SATB2: variants seen among roughly 807,000 people sequenced by gnomAD.
SATB2 encodes SATB homeobox 2, also known as DNA-binding protein SATB2.
SATB2 carries 1 observed loss-of-function variant against 73.4 expected under a neutral mutation model. The observed-to-expected ratio is 0.01, with a 90% CI of 0.00 to 0.06. The LOEUF is 0.06. Among genes scored for constraint, SATB2 ranks in the 10% least tolerant of loss-of-function variants. The pLI, the probability that SATB2 is intolerant of heterozygous loss-of-function variation, is 1.00. For synonymous variants in SATB2, 397 were observed against 367.0 expected (o/e 1.08, Z -0.93); for missense variants, 459 against 945.8 (o/e 0.49, Z 6.75).
At chr2:199,456,188 G>T in intron 1 of SATB2, 92 bp from the exon 2 acceptor site, 3 of 781,260 alleles carry the variant, frequency 3.8e-6, no homozygotes, top group Non-Finnish European at 6.3e-6. Context: ...GTGGCAGAGC[G>T]CTGCACCACA....
chr2:199,311,550 G>A (rs923168236), intron 9 of SATB2, among the ~76,000 whole-genome samples: 4 of 152,130 alleles, frequency 2.6e-5, no homozygotes, highest in African/African-American at 9.7e-5. Flanking sequence ...AAAATCGGAA[G>A]GTGATCCTAA....
intron 5 of SATB2, among the ~76,000 whole-genome samples, chr2:199,377,528 T>C (rs1481555040): frequency 2.6e-5 from 4 of 152,216 alleles, no homozygotes; most frequent in Non-Finnish European, 1.5e-5. Flanking sequence ...TCAAGAGATA[T>C]TTTGAGCAAT....
At chr2:199,414,509 T>C (rs1399679987) in intron 3 of SATB2, among the ~76,000 whole-genome samples, 1 of 152,152 alleles carries the variant, frequency 6.6e-6, no homozygotes, top group African/African-American at 2.4e-5. Flanking sequence ...CCTCTCCTAA[T>C]GCATCTCTGA....
intron 2 of SATB2, among the ~76,000 whole-genome samples, chr2:199,453,475 A>C (rs1692188162): frequency 6.6e-6 from 1 of 152,104 alleles, no homozygotes; most frequent in Admixed American, 6.5e-5. Flanking sequence ...AATTTAAACA[A>C]AAGAACATAG....
At chr2:199,367,154 A>G (rs1400684463) in intron 6 of SATB2, among the ~76,000 whole-genome samples, 2 of 152,196 alleles carry the variant, frequency 1.3e-5, no homozygotes, top group Non-Finnish European at 1.5e-5. Flanking sequence ...TTTTAAAAGA[A>G]AAACCTGGAG....
chr2:199,456,813 A>G (rs1041944757), intron 1 of SATB2, among the ~76,000 whole-genome samples: 1 of 152,194 alleles, frequency 6.6e-6, no homozygotes, highest in African/African-American at 2.4e-5. Context: ...AAGCTCTTCA[A>G]TATAAAACAC....
intron 7 of SATB2, among the ~76,000 whole-genome samples, chr2:199,335,162 A>G (rs1207993422): frequency 1.3e-5 from 2 of 152,164 alleles, no homozygotes; most frequent in East Asian, 1.9e-4. Context: ...TAAATCCTCA[A>G]AGAAAATGTC....
rs1692551892 is a variant in SATB2 at position 199,464,439 on chromosome 2, A to G, written c.-141+397T>C. On this transcript the variant is annotated intron_variant, in intron 1 of 11. Transcript: ENST00000260926. This position sits in a 1 kb window ranked among gnomAD's most constrained non-coding sequence, Gnocchi z 6.6. ...CATTTCCACGCGCGCGCGCGCACAC[A>G]CACACACACACACACAGAGGGACTT... is the stretch of plus-strand genomic sequence containing the variant. 6.6e-6 allele frequency among the ~76,000 whole-genome samples: 1 copy of G among 151,484 alleles called. No homozygotes were observed. Among genetic ancestry groups the G allele is most frequent in the Admixed American group, 6.6e-5 (1 of 15,248 alleles).
In SATB2 at chr2:199,455,315, G is replaced by A. The variant is rs535503374; in HGVS notation, c.169+554C>T. 3.9e-5 allele frequency among the ~76,000 whole-genome samples: 6 copies of A among 152,232 alleles called. No individual in the cohort carries two copies. The highest frequency in any genetic ancestry group is 1.4e-4 in the African/African-American group (6 of 41,502). ...ATATGACTAAACTTTATAGACAACA[G>A]CAGCATTTAAGCTTCTAAGGGCCTG... On this transcript the variant is annotated intron_variant, in intron 2 of 10. Coordinates refer to ENST00000417098, the MANE Select transcript of SATB2 (RefSeq NM_001172509.2). This position sits in a 1 kb window ranked among gnomAD's most constrained non-coding sequence, Gnocchi z 4.1.
chr2:199,298,373 T>C (rs1011484441), intron 10 of SATB2, among the ~76,000 whole-genome samples: 3 of 152,218 alleles, frequency 2.0e-5, no homozygotes, highest in Admixed American at 2.0e-4. Flanking sequence ...CACCTCGCCA[T>C]GCTTCCAGCA....
chr2:199,391,442 AAAAAAAAAAACAAAAAAC>A (rs1380798479), intron 3 of SATB2, among the ~76,000 whole-genome samples: 3 of 151,190 alleles, frequency 2.0e-5, no homozygotes, highest in Admixed American at 1.3e-4. Flanking sequence ...CAAAAAAAAA[AAAAAAAAAAACAAAAAAC>A]AAAAAACGAG....
Position 199,306,371 on chromosome 2 carries a change from C to T in SATB2, c.1740+2389G>A, listed in dbSNP as rs74359302. On this transcript the variant is annotated intron_variant, in intron 10 of 10. Transcript: ENST00000417098. ...TAGGCATAACGTTAAAGAAATGTGA[C>T]GTGCTGATGAGTTTCACAGTAGTTA... Among the ~76,000 whole-genome samples, 1,160 of 152,230 alleles carry T rather than the reference C, an allele frequency of 7.6e-3. 13 individuals carry two copies. Among genetic ancestry groups the T allele is most frequent in the African/African-American group, 0.026 (1,089 of 41,548 alleles).
chr2:199,393,392 A>C (rs993902673), intron 3 of SATB2, among the ~76,000 whole-genome samples: 4 of 152,094 alleles, frequency 2.6e-5, no homozygotes, highest in Non-Finnish European at 1.5e-5. Flanking sequence ...CCAACCCCCA[A>C]CATATGGAAA....
At chr2:199,299,598 T>C (rs1687220342) in intron 10 of SATB2, among the ~76,000 whole-genome samples, 1 of 151,508 alleles carries the variant, frequency 6.6e-6, no homozygotes, top group Non-Finnish European at 1.5e-5. Flanking sequence ...ACATTCTGAA[T>C]AAAGGAGAAA....
intron 7 of SATB2, among the ~76,000 whole-genome samples, chr2:199,329,838 T>C (rs912478878): frequency 9.2e-5 from 14 of 152,208 alleles, no homozygotes; most frequent in African/African-American, 3.1e-4. Context: ...AGGTGGGACA[T>C]TGTCGTACTG....
intron 3 of SATB2, among the ~76,000 whole-genome samples, chr2:199,420,657 T>C (rs1427248551): frequency 6.6e-6 from 1 of 152,154 alleles, no homozygotes; most frequent in Non-Finnish European, 1.5e-5. Context: ...CATAATCTTG[T>C]CATTAGCCAC....
chr2:199,428,229 T>C (rs754789526), intron 3 of SATB2, among the ~76,000 whole-genome samples: 18 of 152,366 alleles, frequency 1.2e-4, no homozygotes, highest in Non-Finnish European at 1.9e-4. Flanking sequence ...GTTTTAGAAG[T>C]TGGCTTCAGT....
At chr2:199,331,531 A>T (rs867104020) in intron 7 of SATB2, among the ~76,000 whole-genome samples, 4 of 152,172 alleles carry the variant, frequency 2.6e-5, no homozygotes, top group South Asian at 2.1e-4. Flanking sequence ...TAAAACTCTC[A>T]TATGTGTAGC....
intron 3 of SATB2, among the ~76,000 whole-genome samples, chr2:199,386,103 G>A (rs903398695): frequency 2.0e-5 from 3 of 152,118 alleles, no homozygotes; most frequent in South Asian, 4.1e-4. Flanking sequence ...ATTTATACAA[G>A]TTGAGTATTC....
Sources: allele counts gnomAD v4.1 joint callset (sites outside exome capture counted in the v4.1 genomes callset), GRCh38; gene constraint gnomAD v4.1.1; non-coding constraint Gnocchi (gnomAD v3.1); transcripts MANE v1.5; gene names NCBI Gene and HGNC (gene_info 2026-07-23, HGNC 2026-07-21).